ALKBH8: variants seen among roughly 807,000 people sequenced by gnomAD.
ALKBH8 encodes alkB homolog 8, tRNA methyltransferase, also known as tRNA (carboxymethyluridine(34)-5-O)-methyltransferase ALKBH8.
A neutral mutation model predicts 59.8 loss-of-function variants in ALKBH8; 36 were observed. The observed-to-expected ratio is 0.60, with a 90% CI of 0.46 to 0.79. ALKBH8 has a LOEUF of 0.79. ALKBH8 is among the 30% of genes least tolerant of loss of function. ALKBH8 has a pLI of 0.00. For synonymous variants in ALKBH8, 276 were observed against 273.6 expected (o/e 1.01, Z -0.09); for missense variants, 768 against 801.0 (o/e 0.96, Z 0.50).
intron 9 of ALKBH8, among the ~76,000 whole-genome samples, chr11:107,523,552 T>A (rs1863219320): frequency 1.3e-5 from 2 of 151,674 alleles, no homozygotes; most frequent in Non-Finnish European, 1.5e-5. Flanking sequence ...CATGTGACTA[T>A]AGTTAATAAT....
intron 8 of ALKBH8, among the ~76,000 whole-genome samples, chr11:107,531,106 T>C (rs980762605): frequency 2.7e-5 from 4 of 150,686 alleles, no homozygotes; most frequent in Non-Finnish European, 4.4e-5. Flanking sequence ...AATATTTTAA[T>C]GGCCATGAAA....
intron 10 of ALKBH8, among the ~76,000 whole-genome samples, chr11:107,517,804 T>C (rs1443264644): frequency 6.6e-6 from 1 of 152,182 alleles, no homozygotes; most frequent in African/African-American, 2.4e-5. Flanking sequence ...AGATACAAAA[T>C]TTTAGATAGG....
At chr11:107,561,510 G>C (rs902875563) in intron 1 of ALKBH8, among the ~76,000 whole-genome samples, 9 of 152,064 alleles carry the variant, frequency 5.9e-5, no homozygotes, top group African/African-American at 2.2e-4. Flanking sequence ...TCAGTTACAT[G>C]GTAGGTGTAG....
At chr11:107,564,363 G>A (rs1005635956) in intron 1 of ALKBH8, among the ~76,000 whole-genome samples, 1 of 152,010 alleles carries the variant, frequency 6.6e-6, no homozygotes, top group African/African-American at 2.4e-5. Flanking sequence ...ATACTTATAT[G>A]TTTAAAAAAA....
In ALKBH8 at chr11:107,565,729, G is replaced by C. The variant is rs77614316; in HGVS notation, c.-135C>G. ...CTCCCCTGGGCGCGGCCATGTTGGA[G>C]AAAACTGCACTACATTTCCCATGAG... On this transcript the variant is annotated 5_prime_UTR_variant, in exon 1 of 12. Coordinates refer to ENST00000428149, the MANE Select transcript of ALKBH8 (RefSeq NM_138775.3). 2,301 of 1,482,596 alleles carry C rather than the reference G, an allele frequency of 1.6e-3. 22 individuals are homozygous for C. In the African/African-American group the frequency reaches 0.025, roughly 16 times the overall value. The allele number at this position is 1,482,596 out of a possible 1,614,324, so 91.8% of individuals were successfully genotyped here. A position where few individuals can be genotyped will look rare whatever the true frequency, so the allele number is the denominator to read the frequency against.
chr11:107,511,768 G>A (rs1862636313), intron 10 of ALKBH8, among the ~76,000 whole-genome samples: 1 of 151,808 alleles, frequency 6.6e-6, no homozygotes, highest in Non-Finnish European at 1.5e-5. Flanking sequence ...TAGAGATGGG[G>A]TTTCTCCATG....
intron 2 of ALKBH8, among the ~76,000 whole-genome samples, chr11:107,558,167 A>G (rs1864791168): frequency 6.6e-6 from 1 of 152,244 alleles, no homozygotes; most frequent in African/African-American, 2.4e-5. Flanking sequence ...GCTCAGTGAT[A>G]GTACATTGTG....
intron 10 of ALKBH8, among the ~76,000 whole-genome samples, chr11:107,519,140 T>C (rs931514343): frequency 1.8e-4 from 28 of 152,054 alleles, no homozygotes; most frequent in Admixed American, 1.4e-3. Flanking sequence ...AGTCTCACTC[T>C]TATTGCCCAG....
chr11:107,540,686 T>C (rs991737875), intron 7 of ALKBH8, among the ~76,000 whole-genome samples: 1 of 152,206 alleles, frequency 6.6e-6, no homozygotes, highest in Non-Finnish European at 1.5e-5. Flanking sequence ...TTTATTTGCT[T>C]CATTTGTTTG....
intron 7 of ALKBH8, 72 bp from the exon 8 acceptor site, chr11:107,532,478 G>T (rs1275346900): frequency 3.3e-6 from 1 of 307,554 alleles, no homozygotes; most frequent in African/African-American, 3.2e-5. Context: ...ATGATTAATA[G>T]AGTTTGGCTA....
intron 7 of ALKBH8, among the ~76,000 whole-genome samples, chr11:107,533,974 C>CA (rs1388498655): frequency 6.6e-6 from 1 of 151,914 alleles, no homozygotes; most frequent in Non-Finnish European, 1.5e-5. Flanking sequence ...ACTACAAATA[C>CA]AAAACATTAG....
chr11:107,532,454 C>G (rs754908898), intron 7 of ALKBH8, 48 bp from the exon 8 acceptor site: 2 of 1,418,868 alleles, frequency 1.4e-6, no homozygotes, highest in Non-Finnish European at 2.0e-6. Flanking sequence ...ATTTCATATA[C>G]TCCAAGGATA....
intron 7 of ALKBH8, among the ~76,000 whole-genome samples, chr11:107,533,996 G>C (rs1274019939): frequency 6.6e-6 from 1 of 152,054 alleles, no homozygotes; most frequent in African/African-American, 2.4e-5. Flanking sequence ...CGGGCATAGT[G>C]GTGGGCACCT....
At position 107,505,001 on chromosome 11, in the gene ALKBH8, C is replaced by T. The variant is rs1455564476; in HGVS notation, c.1652G>A (p.Arg551Gln). The change falls in exon 12 of 12, where the codon CGA (arginine) becomes CAA (glutamine). Residue 551 changes from arginine (R) to glutamine (Q), a missense_variant. Physicochemically the swap from Arg to Gln is conservative, Grantham distance 43. Transcript: ENST00000428149. Reference sequence around the variant, plus strand: ...GCGGGGGACAGAAGATGCCGAGTCTCGACTGCCCATGTCACGCATTTGCTC... The same window carrying T: ...GCGGGGGACAGAAGATGCCGAGTCTTGACTGCCCATGTCACGCATTTGCTC... ...LVEQMRDMGSRDSASSVPRIN... is the reference protein window; with the variant it reads ...LVEQMRDMGSQDSASSVPRIN... The T allele has an allele frequency of 3.9e-6, 6 of 1,551,588 alleles. No individual in the cohort carries two copies. Among genetic ancestry groups the T allele is most frequent in the East Asian group, 2.4e-5 (1 of 40,922 alleles).
chr11:107,555,801 C>T (rs1272456528), intron 3 of ALKBH8, among the ~76,000 whole-genome samples: 17 of 152,190 alleles, frequency 1.1e-4, no homozygotes, highest in Non-Finnish European at 2.2e-4. Flanking sequence ...CTCAATACAT[C>T]TCATTTTCAT....
intron 11 of ALKBH8, among the ~76,000 whole-genome samples, chr11:107,507,676 C>G (rs1479166948): frequency 6.6e-6 from 1 of 151,970 alleles, no homozygotes; most frequent in Non-Finnish European, 1.5e-5. Context: ...TTCAAGGTCA[C>G]AAAAGTAAAA....
At position 107,553,861 on chromosome 11, in the gene ALKBH8, G is replaced by A. The variant is rs1193414230; in HGVS notation, c.485C>T (p.Thr162Ile). The A allele has an allele frequency of 5.0e-6, 8 of 1,612,758 alleles. No homozygotes were observed. Among genetic ancestry groups the A allele is most frequent in the South Asian group, 4.4e-5 (4 of 90,884 alleles). The change falls in exon 4 of 12, where the codon ACA becomes ATA. Residue 162 changes from threonine to isoleucine, a missense_variant. Coordinates refer to ENST00000428149, the MANE Select transcript of ALKBH8 (RefSeq NM_138775.3). ...GTTTTACTTACAGTTTTGATTGTCT[G>A]TATCTTCTGTCCAATCAACACTTTC... ...LLESVDWTED[T>I]DNQNSQKSLK...
intron 10 of ALKBH8, among the ~76,000 whole-genome samples, chr11:107,514,337 A>G (rs1862767531): frequency 6.6e-6 from 1 of 152,222 alleles, no homozygotes; most frequent in Admixed American, 6.5e-5. Context: ...AAAAATTCTT[A>G]CTGAGTTAAA....
At chr11:107,561,228 A>G (rs951827257) in intron 1 of ALKBH8, among the ~76,000 whole-genome samples, 1 of 152,166 alleles carries the variant, frequency 6.6e-6, no homozygotes, top group Non-Finnish European at 1.5e-5. Context: ...TTTCACAACT[A>G]TAACGTAAAC....
Sources: allele counts gnomAD v4.1 joint callset (sites outside exome capture counted in the v4.1 genomes callset), GRCh38; gene constraint gnomAD v4.1.1; transcripts MANE v1.5; gene names NCBI Gene and HGNC (gene_info 2026-07-23, HGNC 2026-07-21).